DIS3L2: variants seen among roughly 807,000 people sequenced by gnomAD.
DIS3L2 encodes DIS3 like 3'-5' exoribonuclease 2, also known as DIS3-like exonuclease 2.
Under a neutral mutation model 97.5 loss-of-function variants are expected in DIS3L2, and 34 were observed. That is an observed-to-expected ratio of 0.35 (90% confidence interval 0.27 to 0.46). The LOEUF (loss-of-function observed/expected upper bound fraction) is 0.46. Ranked by LOEUF, DIS3L2 falls within the 20% of genes least tolerant of loss-of-function variation. The pLI, the probability that DIS3L2 is intolerant of heterozygous loss-of-function variation, is 1.00. For synonymous variants in DIS3L2, 435 were observed against 445.2 expected (o/e 0.98, Z 0.29); for missense variants, 1,038 against 1,146.0 (o/e 0.91, Z 1.36).
chr2:232,301,226 C>T (rs960566673), intron 14 of DIS3L2, among the ~76,000 whole-genome samples: 2 of 152,138 alleles, frequency 1.3e-5, no homozygotes, highest in South Asian at 2.1e-4. Flanking sequence ...TGACTCACCA[C>T]GGCTGTGAGA....
At chr2:232,219,275 C>T (rs1692430337) in intron 10 of DIS3L2, among the ~76,000 whole-genome samples, 1 of 152,174 alleles carries the variant, frequency 6.6e-6, no homozygotes, top group Non-Finnish European at 1.5e-5. Flanking sequence ...GCAGGGTGTT[C>T]CTTGGATATC....
intron 9 of DIS3L2, among the ~76,000 whole-genome samples, chr2:232,190,375 C>T (rs1009309344): frequency 2.6e-5 from 4 of 152,170 alleles, no homozygotes; most frequent in Non-Finnish European, 5.9e-5. Context: ...TTACCTCATG[C>T]TCCGAGAAAA....
intron 15 of DIS3L2, 41 bp downstream of exon 15, chr2:232,330,037 G>A (rs778458554): frequency 6.4e-7 from 1 of 1,566,050 alleles, no homozygotes; most frequent in Admixed American, 1.8e-5. Flanking sequence ...CTGCTTGGGG[G>A]AAAGAAGAGA....
Position 232,232,256 on chromosome 2 carries a change from A to C in DIS3L2, c.1205-6277A>C, listed in dbSNP as rs143076281. On this transcript the variant is annotated intron_variant, in intron 10 of 20. Coordinates refer to ENST00000325385, the MANE Select transcript of DIS3L2 (RefSeq NM_152383.5). ...GGGAGGGGTGGGCAAAAGCCAGGCCAGGCAGGCCACAGAAGCCAGGTCTGG... is the reference window on the plus strand; with the variant it reads ...GGGAGGGGTGGGCAAAAGCCAGGCCCGGCAGGCCACAGAAGCCAGGTCTGG... 4.2e-3 allele frequency among the ~76,000 whole-genome samples: 640 copies of C among 152,316 alleles called. 3 individuals carry two copies. Among genetic ancestry groups the C allele is most frequent in the Non-Finnish European group, 4.3e-3 (291 of 68,028 alleles).
At chr2:232,299,222 C>T (rs946826738) in intron 13 of DIS3L2, among the ~76,000 whole-genome samples, 1 of 152,238 alleles carries the variant, frequency 6.6e-6, no homozygotes, top group African/African-American at 2.4e-5. Context: ...CCCCTGGCCG[C>T]TCCCCTGACT....
intron 6 of DIS3L2, among the ~76,000 whole-genome samples, chr2:232,102,479 T>C (rs1697231574): frequency 6.6e-6 from 1 of 152,204 alleles, no homozygotes; most frequent in Non-Finnish European, 1.5e-5. Flanking sequence ...TCCTTATTTT[T>C]AGGAGATACT....
In DIS3L2 at chr2:232,269,181, G is replaced by A. The variant is rs1364966869; in HGVS notation, c.1659+5741G>A. 1.3e-5 allele frequency among the ~76,000 whole-genome samples: 2 copies of A among 152,192 alleles called. No individual in the cohort carries two copies. Among genetic ancestry groups the A allele is most frequent in the Non-Finnish European group, 2.9e-5 (2 of 68,036 alleles). Reference sequence around the variant, plus strand: ...CAAAATGTAGCGCTAAGGAAACTGTGTAGCATTTCTCCCCCACACTGCCCC... The same window carrying A: ...CAAAATGTAGCGCTAAGGAAACTGTATAGCATTTCTCCCCCACACTGCCCC... On this transcript the variant is annotated intron_variant, in intron 13 of 20. Transcript: ENST00000325385. This position sits in a 1 kb window ranked among gnomAD's most constrained non-coding sequence, Gnocchi z 4.5.
intron 4 of DIS3L2, 36 bp downstream of exon 4, chr2:232,024,366 C>A: frequency 1.3e-6 from 2 of 1,510,434 alleles, no homozygotes; most frequent in Non-Finnish European, 1.8e-6. Flanking sequence ...CTTTATGTCA[C>A]ATTTAATTTT....
chr2:232,205,237 T>TATATATATATATATATATATAA (rs1553615767), intron 9 of DIS3L2, among the ~76,000 whole-genome samples: 7 of 141,398 alleles, frequency 5.0e-5, no homozygotes, highest in African/African-American at 1.9e-4. Flanking sequence ...TATATATATA[T>TATATATATATATATATATATAA]AAAATGCAGT....
chr2:232,329,785 T>TGCCGGGGGGGGCCCCCCCC, intron 14 of DIS3L2, 28 bp from the exon 15 acceptor site: 1 of 967,140 alleles, frequency 1.0e-6, no homozygotes, highest in Non-Finnish European at 1.5e-6. Context: ...ACCCCAGCGG[T>TGCCGGGGGGGGCCCCCCCC]CCCTCCCATC....
At chr2:232,261,443 T>C (rs540622292) in intron 12 of DIS3L2, among the ~76,000 whole-genome samples, 44 of 152,306 alleles carry the variant, frequency 2.9e-4, no homozygotes, top group African/African-American at 1.0e-3. Flanking sequence ...CCGCTTCCGA[T>C]GCCCCCACCT....
chr2:232,217,432 G>C (rs965375330), intron 10 of DIS3L2, among the ~76,000 whole-genome samples: 1 of 152,210 alleles, frequency 6.6e-6, no homozygotes, highest in African/African-American at 2.4e-5. Flanking sequence ...TATGCCAGCA[G>C]GTTGTCCTCC....
intron 16 of DIS3L2, 85 bp from the exon 17 acceptor site, chr2:232,333,755 C>CGA: frequency 1.6e-5 from 24 of 1,488,948 alleles, no homozygotes; most frequent in East Asian, 7.0e-5. Flanking sequence ...TCGCTGCCGA[C>CGA]GGTGAGGCTG....
In DIS3L2 at chr2:232,329,828, C is replaced by A; in HGVS notation, c.1755C>A (p.Phe585Leu). ...CCCTCTGCAGGCTCGTGGAGGAGTT[C>A]ATGCTCTTGGCCAACATGGCAGTGG... Reference protein sequence around the residue: ...YRESNKLVEEFMLLANMAVAH... With the variant: ...YRESNKLVEELMLLANMAVAH... Residue 585 changes from phenylalanine (F) to leucine (L), a missense_variant, in exon 15 of 21, where the codon TTC becomes TTA. Physicochemically the swap from Phe to Leu is conservative, Grantham distance 22 (BLOSUM62 0). Around this residue, in one of 3 missense-constraint regions of DIS3L2, gnomAD observed 813 missense variants for 880.1 expected, o/e 0.92. Transcript: ENST00000325385. 1 of 934,866 alleles carries A rather than the reference C, an allele frequency of 1.1e-6. No homozygotes were observed. The highest frequency in any genetic ancestry group is 1.5e-6 in the Non-Finnish European group (1 of 664,838). 57.9% of individuals were successfully genotyped at this position (934,866 alleles called of 1,614,324 possible).
intron 10 of DIS3L2, among the ~76,000 whole-genome samples, chr2:232,235,063 A>T (rs529875977): frequency 2.0e-5 from 3 of 152,330 alleles, no homozygotes; most frequent in South Asian, 4.1e-4. Context: ...AGCAGTTCTC[A>T]TGTCCCGTCA....
chr2:232,107,191 AAG>A (rs1331256537), intron 6 of DIS3L2, among the ~76,000 whole-genome samples: 1 of 152,178 alleles, frequency 6.6e-6, no homozygotes, highest in Non-Finnish European at 1.5e-5. Context: ...TCACGACTAA[AAG>A]AACTACAGAA....
intron 8 of DIS3L2, among the ~76,000 whole-genome samples, chr2:232,143,877 A>G (rs1690141358): frequency 6.6e-6 from 1 of 152,010 alleles, no homozygotes; most frequent in Admixed American, 6.6e-5. Flanking sequence ...CAAATATACT[A>G]ATGAAAATGT....
rs146923489 is a variant in DIS3L2 at position 232,283,934 on chromosome 2, G to A, written c.1660-16106G>A. Among the ~76,000 whole-genome samples the A allele has an allele frequency of 8.5e-3, 1,301 of 152,268 alleles. 23 individuals carry two copies. The highest frequency in any genetic ancestry group is 0.049 in the Admixed American group (745 of 15,290). On this transcript the variant is annotated intron_variant, in intron 13 of 20. Transcript: ENST00000325385. ...CATTATGCCAATGTCAGTTTCCTGC[G>A]TTTGATATTGTGCTATAATTATGTA... is the stretch of plus-strand genomic sequence containing the variant.
chr2:231,979,886 GT>G (rs925037453), intron 1 of DIS3L2, among the ~76,000 whole-genome samples: 2 of 152,018 alleles, frequency 1.3e-5, no homozygotes, highest in African/African-American at 2.4e-5. Context: ...TATTTTTTAT[GT>G]GTAGTAAGAA....
Sources: allele counts gnomAD v4.1 joint callset (sites outside exome capture counted in the v4.1 genomes callset), GRCh38; gene constraint gnomAD v4.1.1; regional missense constraint gnomAD v4.1.1; non-coding constraint Gnocchi (gnomAD v3.1); transcripts MANE v1.5; gene names NCBI Gene and HGNC (gene_info 2026-07-23, HGNC 2026-07-21).